The following HTR2B variants were observed in gnomAD, a reference collection of about 807,000 sequenced individuals.
HTR2B encodes the protein 5-hydroxytryptamine receptor 2B.
A neutral mutation model predicts 39.8 loss-of-function variants in HTR2B; 31 were observed. That is an observed-to-expected ratio of 0.78 (90% CI 0.58 to 1.05). The LOEUF is 1.05. Among genes scored for constraint, HTR2B ranks in the 50% least tolerant of loss-of-function variants. The pLI, the probability that HTR2B is intolerant of heterozygous loss-of-function variation, is 0.00. For synonymous variants in HTR2B, 210 were observed against 207.1 expected (o/e 1.01, Z -0.12); for missense variants, 562 against 578.0 (o/e 0.97, Z 0.28).
chr2:231,120,186 A>G lies in HTR2B; in HGVS notation c.352+3227T>C, dbSNP rs963733582. Among the ~76,000 whole-genome samples the G allele has an allele frequency of 2.0e-5, 3 of 152,174 alleles. No homozygotes were observed. In the South Asian group the frequency reaches 6.2e-4, roughly 32 times the overall value. Reference sequence around the variant, plus strand: ...AGGCTGGTCTCGAACTCCTGACCTCAGGTGATCCATCCGTTTCAGCCTCCT... The same window carrying G: ...AGGCTGGTCTCGAACTCCTGACCTCGGGTGATCCATCCGTTTCAGCCTCCT... On this transcript the variant is annotated intron_variant, in intron 2 of 3. Transcript: ENST00000258400.
At chr2:231,121,688 A>C (rs1695548432) in intron 2 of HTR2B, among the ~76,000 whole-genome samples, 1 of 152,294 alleles carries the variant, frequency 6.6e-6, no homozygotes, top group South Asian at 2.1e-4. Context: ...TTGCCTTTTA[A>C]GATTCCTTAA....
intron 2 of HTR2B, among the ~76,000 whole-genome samples, chr2:231,118,978 A>C (rs938658520): frequency 6.6e-6 from 1 of 152,162 alleles, no homozygotes; most frequent in Non-Finnish European, 1.5e-5. Context: ...TATCTTCCAG[A>C]AAAGAAAGAC....
chr2:231,115,606 G>A (rs1284164563), intron 2 of HTR2B, among the ~76,000 whole-genome samples: 1 of 152,026 alleles, frequency 6.6e-6, no homozygotes, highest in Non-Finnish European at 1.5e-5. Flanking sequence ...GGGTAGGAAG[G>A]GATAGAGGTG....
chr2:231,122,497 C>T (rs1406205514), intron 2 of HTR2B, among the ~76,000 whole-genome samples: 1 of 152,032 alleles, frequency 6.6e-6, no homozygotes, highest in East Asian at 1.9e-4. Flanking sequence ...TTTGCTTAGG[C>T]AGTTTATGAA....
chr2:231,123,042 G>T (rs1000023009), intron 2 of HTR2B, among the ~76,000 whole-genome samples: 6 of 152,124 alleles, frequency 3.9e-5, no homozygotes, highest in African/African-American at 1.4e-4. Flanking sequence ...TGTCCCGGAA[G>T]TGTCCTAGTT....
rs1014487231 is a variant in HTR2B at position 231,113,893 on chromosome 2, G to T, written c.389C>A (p.Ala130Asp). Residue 130 changes from alanine to aspartate, a missense_variant, in exon 3 of 4, where the codon GCC (alanine) becomes GAC (aspartate). Physicochemically the swap from Ala to Asp is moderately radical, Grantham distance 126. Coordinates refer to ENST00000258400, the MANE Select transcript of HTR2B (RefSeq NM_000867.5). ...MWPLPLVLCP[A>D]WLFLDVLFST... ...AAAGAGAACGTCAAGAAATAACCAG[G>T]CAGGACATAGAACAAGTGGGAGGGG... The T allele has an allele frequency of 6.2e-6, 10 of 1,614,086 alleles. No homozygotes were observed. Among genetic ancestry groups the T allele is most frequent in the Non-Finnish European group, 5.9e-6 (7 of 1,179,994 alleles).
chr2:231,120,947 C>T (rs554306831), intron 2 of HTR2B, among the ~76,000 whole-genome samples: 19 of 152,236 alleles, frequency 1.2e-4, no homozygotes, highest in African/African-American at 4.3e-4. Flanking sequence ...TATTAACTTG[C>T]AAAAGGTTAT....
Position 231,119,966 on chromosome 2 carries a change from T to C in HTR2B, c.352+3447A>G, listed in dbSNP as rs549707388. On this transcript the variant is annotated intron_variant, in intron 2 of 3. Transcript: ENST00000258400. ...CCCGTGTTACTTTTTTTTTTTTTTTTCCCTGAGACAGAGCCTCACCCCGTC... is the reference window on the plus strand; with the variant it reads ...CCCGTGTTACTTTTTTTTTTTTTTTCCCCTGAGACAGAGCCTCACCCCGTC... 1.8e-3 allele frequency among the ~76,000 whole-genome samples: 268 copies of C among 149,184 alleles called. 1 individual carries two copies. Among genetic ancestry groups the C allele is most frequent in the African/African-American group, 6.3e-3 (251 of 39,824 alleles).
intron 2 of HTR2B, among the ~76,000 whole-genome samples, chr2:231,120,961 A>G (rs1261829225): frequency 6.6e-6 from 1 of 152,214 alleles, no homozygotes; most frequent in Non-Finnish European, 1.5e-5. Flanking sequence ...AGGTTATAAA[A>G]ATATCTTGGT....
intron 3 of HTR2B, among the ~76,000 whole-genome samples, chr2:231,111,553 G>A (rs1203670569): frequency 6.6e-6 from 1 of 152,156 alleles, no homozygotes; most frequent in African/African-American, 2.4e-5. Flanking sequence ...TAGAATAACT[G>A]TAAATCCAAA....
intron 2 of HTR2B, among the ~76,000 whole-genome samples, chr2:231,118,325 T>A (rs1695414605): frequency 6.6e-6 from 1 of 152,132 alleles, no homozygotes; most frequent in African/African-American, 2.4e-5. Flanking sequence ...ATCATCAGTA[T>A]GAAATAAGAG....
intron 2 of HTR2B, among the ~76,000 whole-genome samples, chr2:231,119,856 C>A (rs774385870): frequency 2.8e-5 from 3 of 107,976 alleles, no homozygotes; most frequent in Non-Finnish European, 5.0e-5. Context: ...GGCAACAGAA[C>A]GAGACTCCGT....
chr2:231,122,742 C>T (rs1293643002), intron 2 of HTR2B, among the ~76,000 whole-genome samples: 1 of 151,904 alleles, frequency 6.6e-6, no homozygotes, highest in East Asian at 1.9e-4. Context: ...GGTTTTAATC[C>T]ACTTACCAAC....
At chr2:231,109,477 T>C in intron 3 of HTR2B, 68 bp from the exon 4 acceptor site, 1 of 1,326,278 alleles carries the variant, frequency 7.5e-7, no homozygotes, top group Non-Finnish European at 1.1e-6. Flanking sequence ...TAGATCCTTT[T>C]GGATTGTATC....
At chr2:231,124,275 G>C (rs1461588634) in intron 1 of HTR2B, 145 bp from the exon 2 acceptor site, 2 of 158,614 alleles carry the variant, frequency 1.3e-5, no homozygotes, top group South Asian at 1.8e-4. Flanking sequence ...CTGTATTTCT[G>C]ATGTTGCTCA....
chr2:231,124,232 A>AT (rs1695659267), intron 1 of HTR2B, 102 bp from the exon 2 acceptor site: 2 of 164,300 alleles, frequency 1.2e-5, no homozygotes, highest in Non-Finnish European at 2.7e-5. Flanking sequence ...TCTGTTGTGC[A>AT]TTTGTGACAA....
At chr2:231,117,300 C>G (rs1695376128) in intron 2 of HTR2B, among the ~76,000 whole-genome samples, 1 of 151,894 alleles carries the variant, frequency 6.6e-6, no homozygotes, top group Non-Finnish European at 1.5e-5. Context: ...AGACTTAAGA[C>G]ATTGAAAATT....
At position 231,108,588 on chromosome 2, in the gene HTR2B, T is replaced by A. The variant is rs772206074; in HGVS notation, c.1375A>T (p.Ile459Phe). The change falls in exon 4 of 4, where the codon ATT becomes TTT. Residue 459 changes from isoleucine to phenylalanine, a missense_variant. Ile to Phe is a conservative substitution (Grantham distance 21). Transcript: ENST00000258400. The part of the protein sequence containing the change: ...RSSTIQSSSI[I>F]LLDTLLLTEN... ...GTGAGGAGAAGCGTATCTAGTAGAATGATTGATGAAGACTGAATGGTTGAA... is the reference window on the plus strand; with the variant it reads ...GTGAGGAGAAGCGTATCTAGTAGAAAGATTGATGAAGACTGAATGGTTGAA... 5.6e-6 allele frequency: 9 copies of A among 1,614,012 alleles called. No individual in the cohort carries two copies. The East Asian group carries it at 2.0e-4, about 36-fold the overall frequency.
chr2:231,119,943 C>T (rs1276088569), intron 2 of HTR2B, among the ~76,000 whole-genome samples: 1 of 150,118 alleles, frequency 6.7e-6, no homozygotes, highest in African/African-American at 2.4e-5. Context: ...CATATCTTCC[C>T]GTGTTACTTT....
Sources: allele counts gnomAD v4.1 joint callset (sites outside exome capture counted in the v4.1 genomes callset), GRCh38; gene constraint gnomAD v4.1.1; transcripts MANE v1.5; gene names NCBI Gene and HGNC (gene_info 2026-07-23, HGNC 2026-07-21).